The following REDIC1 variants were observed in gnomAD, a reference collection of about 807,000 sequenced individuals.
The protein encoded by REDIC1 is HEI10 Interacting Protein 1.
chr12:39,720,749 A>G, the REDIC1 span: 2 of 1,430,792 alleles, frequency 1.4e-6, no homozygotes, highest in African/African-American at 2.9e-5. Context: ...TTTAAAATGT[A>G]AGCATGGTTT....
At chr12:39,739,623 G>A in the REDIC1 span, among the ~76,000 whole-genome samples, 2 of 152,122 alleles carry the variant, frequency 1.3e-5, no homozygotes, top group Non-Finnish European at 2.9e-5. Context: ...AATATTATAA[G>A]TCACTATATG....
chr12:39,731,114 G>T, the REDIC1 span, among the ~76,000 whole-genome samples: 5 of 152,002 alleles, frequency 3.3e-5, no homozygotes, highest in Non-Finnish European at 7.4e-5. Context: ...TCTTTAGCTC[G>T]GAGGAGTTTG....
the REDIC1 span, among the ~76,000 whole-genome samples, chr12:39,802,071 C>T: frequency 6.6e-6 from 1 of 152,140 alleles, no homozygotes; most frequent in East Asian, 1.9e-4. Context: ...AATAGAGAAG[C>T]ACTAAGTGGG....
chr12:39,668,341 G>T, the REDIC1 span, among the ~76,000 whole-genome samples: 1 of 152,024 alleles, frequency 6.6e-6, no homozygotes, highest in African/African-American at 2.4e-5. Context: ...AGTTTGGCTG[G>T]ATATGAAATT....
the REDIC1 span, among the ~76,000 whole-genome samples, chr12:39,640,256 C>G: frequency 6.6e-6 from 1 of 151,724 alleles, no homozygotes; most frequent in Non-Finnish European, 1.5e-5. Flanking sequence ...CAGCTCACCC[C>G]TTTTACCAAA....
At chr12:39,709,606 T>TG in the REDIC1 span, among the ~76,000 whole-genome samples, 4 of 151,758 alleles carry the variant, frequency 2.6e-5, no homozygotes, top group African/African-American at 9.7e-5. Flanking sequence ...TGTCTTTTTT[T>TG]GATGGCTTGT....
At chr12:39,699,293 G>A in the REDIC1 span, among the ~76,000 whole-genome samples, 22 of 152,308 alleles carry the variant, frequency 1.4e-4, no homozygotes, top group East Asian at 5.8e-4. Context: ...CTCGGGAAGC[G>A]AAAGGGGTCA....
the REDIC1 span, chr12:39,907,910 C>G: frequency 6.6e-6 from 1 of 151,728 alleles, no homozygotes; most frequent in Non-Finnish European, 1.5e-5. Context: ...CCCACCCATT[C>G]TTTTTCCCGG....
the REDIC1 span, chr12:39,626,404 C>T: frequency 2.5e-6 from 4 of 1,612,396 alleles, no homozygotes; most frequent in Non-Finnish European, 3.4e-6. Flanking sequence ...TTCATTCCTA[C>T]GACTCCTCTT....
chr12:39,805,339 G>C, the REDIC1 span, among the ~76,000 whole-genome samples: 3 of 152,278 alleles, frequency 2.0e-5, no homozygotes, highest in Admixed American at 6.5e-5. Context: ...CTGATGCTGG[G>C]ACACCAGTTA....
the REDIC1 span, among the ~76,000 whole-genome samples, chr12:39,734,415 T>A: frequency 3.3e-5 from 5 of 152,260 alleles, no homozygotes; most frequent in Non-Finnish European, 2.9e-5. Context: ...GCAAAAGTTT[T>A]AAATTTTGAT....
the REDIC1 span, chr12:39,650,402 T>C: frequency 1.6e-5 from 25 of 1,551,624 alleles, no homozygotes; most frequent in East Asian, 2.3e-5. This position sits in a 1 kb window ranked among gnomAD's most constrained non-coding sequence, Gnocchi z 4.3. Flanking sequence ...CATTCTGTAC[T>C]TTCACTTAGA....
At chr12:39,848,594 C>T in the REDIC1 span, among the ~76,000 whole-genome samples, 1 of 152,078 alleles carries the variant, frequency 6.6e-6, no homozygotes, top group Non-Finnish European at 1.5e-5. Flanking sequence ...ACTAATTCAC[C>T]CATTGTGGAA....
At chr12:39,656,158 T>C in the REDIC1 span, among the ~76,000 whole-genome samples, 4 of 152,242 alleles carry the variant, frequency 2.6e-5, no homozygotes, top group African/African-American at 9.6e-5. Flanking sequence ...TTTCTTGTAA[T>C]ATCTTAGTCT....
At chr12:39,792,298 T>A in the REDIC1 span, among the ~76,000 whole-genome samples, 1 of 149,182 alleles carries the variant, frequency 6.7e-6, no homozygotes, top group Non-Finnish European at 1.5e-5. Flanking sequence ...GCATTACCAT[T>A]CAGGACACAG....
At chr12:39,891,818 C>T in the REDIC1 span, among the ~76,000 whole-genome samples, 1 of 152,240 alleles carries the variant, frequency 6.6e-6, no homozygotes, top group East Asian at 1.9e-4. Flanking sequence ...ACAGTCTTTT[C>T]CAGGCATTCA....
the REDIC1 span, among the ~76,000 whole-genome samples, chr12:39,873,641 G>A: frequency 6.6e-5 from 10 of 151,888 alleles, no homozygotes; most frequent in East Asian, 3.9e-4. Context: ...ATAGAGGCAG[G>A]GGAAAATTAA....
the REDIC1 span, among the ~76,000 whole-genome samples, chr12:39,763,233 C>T: frequency 6.6e-6 from 1 of 151,986 alleles, no homozygotes; most frequent in East Asian, 1.9e-4. Flanking sequence ...AGTGCATTTC[C>T]TTTCCAAGAA....
chr12:39,653,542 C>CTTCTTCTTT, the REDIC1 span, among the ~76,000 whole-genome samples: 51 of 37,264 alleles, frequency 1.4e-3, 1 homozygote, highest in Admixed American at 1.7e-3. Flanking sequence ...TCTTCTTTTT[C>CTTCTTCTTT]TTCTTCTTCT....
Sources: allele counts gnomAD v4.1 joint callset (sites outside exome capture counted in the v4.1 genomes callset), GRCh38; gene constraint gnomAD v4.1.1; non-coding constraint Gnocchi (gnomAD v3.1); transcripts MANE v1.5; gene names NCBI Gene and HGNC (gene_info 2026-07-23, HGNC 2026-07-21).